The following LARGE1 variants were observed in gnomAD, a reference collection of about 807,000 sequenced individuals.
LARGE1 encodes the protein xylosyl- and glucuronyltransferase LARGE1.
A neutral mutation model predicts 87.6 loss-of-function variants in LARGE1; 43 were observed. The ratio of observed to expected loss-of-function variants is 0.49; its 90% CI spans 0.38 to 0.63. The LOEUF (loss-of-function observed/expected upper bound fraction) is 0.63. LARGE1 is among the 30% of genes least tolerant of loss of function. LARGE1 has a pLI of 0.00. For missense variants in LARGE1, 802 were observed against 1,000.2 expected, an observed-to-expected ratio of 0.80 and a Z score of 2.67; for synonymous variants, 434 against 394.6, an observed-to-expected ratio of 1.10 and a Z score of -1.18.
chr22:33,528,272 C>G (rs966738697), intron 6 of LARGE1, among the ~76,000 whole-genome samples: 1 of 152,102 alleles, frequency 6.6e-6, no homozygotes, highest in Non-Finnish European at 1.5e-5. Flanking sequence ...TGCATGGTGG[C>G]TATTCTAACA....
chr22:33,308,508 A>G (rs1362980409), intron 11 of LARGE1, among the ~76,000 whole-genome samples: 1 of 152,160 alleles, frequency 6.6e-6, no homozygotes, highest in Non-Finnish European at 1.5e-5. Flanking sequence ...ATAGCTATCA[A>G]TCGTCCCTTT....
chr22:33,304,514 G>A lies in LARGE1; in HGVS notation c.1452-7C>T, dbSNP rs760909985. On this transcript the variant is annotated splice_region_variant and splice_polypyrimidine_tract_variant and intron_variant, in intron 11 of 14. Transcript: ENST00000397394. The stretch of plus-strand genomic sequence containing the variant: ...GGCCTCCAGCATCTGGAGCCTGGAA[G>A]AGACAGGGAGGGTGAGCCGCGGGAC... 13 of 1,580,742 alleles carry A rather than the reference G, an allele frequency of 8.2e-6. No individual in the cohort carries two copies. The highest frequency in any genetic ancestry group is 1.1e-5 in the Non-Finnish European group (13 of 1,163,232).
the LARGE1 span, among the ~76,000 whole-genome samples, chr22:33,096,657 C>T: frequency 6.6e-6 from 1 of 151,112 alleles, no homozygotes; most frequent in Non-Finnish European, 1.5e-5. Context: ...CTCCTCCTCC[C>T]GGGTTCACGC....
downstream of LARGE1, among the ~76,000 whole-genome samples, chr22:33,272,173 T>C (rs1489123744): frequency 6.6e-6 from 1 of 152,270 alleles, no homozygotes; most frequent in Admixed American, 6.5e-5. Context: ...GAACCAGTGC[T>C]ACCATCAGGT....
intron 4 of LARGE1, among the ~76,000 whole-genome samples, chr22:33,616,035 T>C (rs369402326): frequency 2.6e-5 from 4 of 152,178 alleles, no homozygotes; most frequent in African/African-American, 4.8e-5. Context: ...AATTTGCAGA[T>C]ATTGGAACCC....
the LARGE1 span, among the ~76,000 whole-genome samples, chr22:33,124,826 A>T: frequency 1.2e-4 from 18 of 152,194 alleles, no homozygotes; most frequent in Admixed American, 2.6e-4. Context: ...ACATAGCAAG[A>T]TCCTGTCCCT....
At chr22:33,537,566 ATTTG>A (rs2077077540) in intron 6 of LARGE1, among the ~76,000 whole-genome samples, 1 of 151,858 alleles carries the variant, frequency 6.6e-6, no homozygotes, top group African/African-American at 2.4e-5. Flanking sequence ...TACAGGGTTT[ATTTG>A]TTTATTTGTT....
At chr22:33,450,812 C>T (rs2067885391) in intron 6 of LARGE1, among the ~76,000 whole-genome samples, 1 of 152,098 alleles carries the variant, frequency 6.6e-6, no homozygotes, top group Non-Finnish European at 1.5e-5. Context: ...CAAAACTGTC[C>T]TTATGAGCCA....
intron 6 of LARGE1, among the ~76,000 whole-genome samples, chr22:33,458,449 A>G (rs1050777376): frequency 7.2e-6 from 1 of 138,266 alleles, no homozygotes; most frequent in Non-Finnish European, 1.6e-5. Flanking sequence ...TTATTTTTTT[A>G]AGACAGAGTT....
intron 1 of LARGE1, among the ~76,000 whole-genome samples, chr22:33,767,476 T>TTA (rs2084942723): frequency 6.7e-6 from 1 of 148,598 alleles, no homozygotes; most frequent in African/African-American, 2.5e-5. Flanking sequence ...TACATATATA[T>TTA]TATATATATA....
chr22:33,270,881 C>G (rs1928207322), downstream of LARGE1, among the ~76,000 whole-genome samples: 2 of 152,178 alleles, frequency 1.3e-5, no homozygotes, highest in South Asian at 2.1e-4. Context: ...TCAACACATT[C>G]AGAGAGATCA....
chr22:33,686,607 C>T (rs1603143822), intron 2 of LARGE1, among the ~76,000 whole-genome samples: 1 of 150,752 alleles, frequency 6.6e-6, no homozygotes, highest in African/African-American at 2.4e-5. Flanking sequence ...GCACAGGTAT[C>T]ACAACATACC....
chr22:33,415,117 G>A (rs1229115439), intron 7 of LARGE1, among the ~76,000 whole-genome samples: 1 of 152,238 alleles, frequency 6.6e-6, no homozygotes, highest in Non-Finnish European at 1.5e-5. Context: ...TAAAGGGCAA[G>A]TCAGGAGGAG....
chr22:33,305,040 G>A (rs1438900810), intron 11 of LARGE1, among the ~76,000 whole-genome samples: 1 of 152,196 alleles, frequency 6.6e-6, no homozygotes, highest in Non-Finnish European at 1.5e-5. Context: ...TTGAGCACTA[G>A]CTGTCATTCT....
chr22:33,311,281 CTG>C lies in LARGE1; in HGVS notation c.1451+4802_1451+4803del, dbSNP rs1226048728. Among the ~76,000 whole-genome samples the C allele has an allele frequency of 2.0e-5, 3 of 152,214 alleles. No individual in the cohort carries two copies. In the East Asian group the frequency reaches 5.8e-4, roughly 29 times the overall value. Reference sequence around the variant, plus strand: ...GGCCCCGGACTTTCTTTTAAATGCACTGTGTCTGCAGCCCAGGCCAGAAGGAT... The same window carrying C: ...GGCCCCGGACTTTCTTTTAAATGCACTGTCTGCAGCCCAGGCCAGAAGGAT... On this transcript the variant is annotated intron_variant, in intron 11 of 14. Transcript: ENST00000397394.
chr22:33,668,710 G>C (rs1386165786), intron 2 of LARGE1, among the ~76,000 whole-genome samples: 2 of 152,162 alleles, frequency 1.3e-5, no homozygotes, highest in Admixed American at 6.5e-5. Context: ...GTGAGACCCA[G>C]AGACTCACAG....
intron 7 of LARGE1, among the ~76,000 whole-genome samples, chr22:33,413,221 T>C (rs1410317486): frequency 1.3e-5 from 2 of 152,120 alleles, no homozygotes; most frequent in South Asian, 4.1e-4. Flanking sequence ...GCAATGTCTA[T>C]AGTGGAGTTT....
At chr22:33,645,168 C>T (rs962913066) in intron 3 of LARGE1, among the ~76,000 whole-genome samples, 2 of 152,138 alleles carry the variant, frequency 1.3e-5, no homozygotes, top group African/African-American at 4.8e-5. Context: ...TACTACAAGG[C>T]TACAGTAACC....
intron 2 of LARGE1, among the ~76,000 whole-genome samples, chr22:33,703,818 A>G (rs1246476585): frequency 6.6e-6 from 1 of 152,256 alleles, no homozygotes; most frequent in Non-Finnish European, 1.5e-5. Context: ...TCAGAACGAT[A>G]AAAGAGTAAA....
Sources: allele counts gnomAD v4.1 joint callset (sites outside exome capture counted in the v4.1 genomes callset), GRCh38; gene constraint gnomAD v4.1.1; transcripts MANE v1.5; gene names NCBI Gene and HGNC (gene_info 2026-07-23, HGNC 2026-07-21).